Variants in RNF220 observed in about 807,000 individuals in gnomAD.
RNF220 encodes the protein E3 ubiquitin-protein ligase RNF220.
A neutral mutation model predicts 67.1 loss-of-function variants in RNF220; 7 were observed. The observed-to-expected ratio is 0.10, with a 90% CI of 0.06 to 0.20. RNF220 has a LOEUF of 0.20. Ranked by LOEUF, RNF220 falls within the 10% of genes least tolerant of loss-of-function variation. RNF220 has a pLI of 1.00. For missense variants in RNF220, 565 were observed against 740.3 expected (o/e 0.76, Z 2.75); for synonymous variants, 270 against 283.2 (o/e 0.95, Z 0.47).
At chr1:44,573,184 G>A (rs1664571364) in intron 2 of RNF220, among the ~76,000 whole-genome samples, 1 of 152,098 alleles carries the variant, frequency 6.6e-6, no homozygotes, top group Non-Finnish European at 1.5e-5. Flanking sequence ...CAGGCGATGT[G>A]CCAGCTGCTT....
At chr1:44,598,713 T>C (rs144963154) in intron 2 of RNF220, among the ~76,000 whole-genome samples, 16 of 152,282 alleles carry the variant, frequency 1.1e-4, no homozygotes, top group African/African-American at 3.1e-4. Flanking sequence ...GATTTTGCTG[T>C]CTGGTTATGT....
At chr1:44,531,580 G>T (rs931864513) in intron 2 of RNF220, among the ~76,000 whole-genome samples, 1 of 152,198 alleles carries the variant, frequency 6.6e-6, no homozygotes, top group Non-Finnish European at 1.5e-5. Context: ...TGCCTGGCAG[G>T]TAGTGGGTGT....
chr1:44,440,568 A>C (rs1651444984), intron 2 of RNF220, among the ~76,000 whole-genome samples: 1 of 152,250 alleles, frequency 6.6e-6, no homozygotes. Context: ...GCTGAGACTC[A>C]GAGAATTTAA....
chr1:44,424,813 C>T (rs184429694), intron 2 of RNF220, among the ~76,000 whole-genome samples: 4 of 152,320 alleles, frequency 2.6e-5, no homozygotes, highest in South Asian at 2.1e-4. Context: ...GGTGGCCCAG[C>T]GGAGGGTCTG....
At chr1:44,584,978 C>T (rs1157441446) in intron 2 of RNF220, among the ~76,000 whole-genome samples, 1 of 152,208 alleles carries the variant, frequency 6.6e-6, no homozygotes, top group Non-Finnish European at 1.5e-5. Flanking sequence ...GGATTACAGG[C>T]GTGAGCCACC....
intron 2 of RNF220, among the ~76,000 whole-genome samples, chr1:44,462,076 C>T (rs1027779900): frequency 2.0e-5 from 3 of 151,526 alleles, no homozygotes; most frequent in African/African-American, 7.3e-5. Flanking sequence ...TACAGGGGCA[C>T]ACCACTATGC....
intron 2 of RNF220, among the ~76,000 whole-genome samples, chr1:44,445,281 A>AT (rs1388519460): frequency 6.6e-6 from 1 of 152,104 alleles, no homozygotes; most frequent in African/African-American, 2.4e-5. Context: ...ATCTCCTATA[A>AT]ATATATATTC....
intron 2 of RNF220, among the ~76,000 whole-genome samples, chr1:44,546,732 G>A (rs1359001768): frequency 1.3e-5 from 2 of 152,084 alleles, no homozygotes; most frequent in African/African-American, 4.8e-5. Context: ...CCCCTCGCTG[G>A]CACCCCAAAG....
At chr1:44,527,145 C>T (rs1184017197) in intron 2 of RNF220, among the ~76,000 whole-genome samples, 1 of 152,094 alleles carries the variant, frequency 6.6e-6, no homozygotes, top group African/African-American at 2.4e-5. Flanking sequence ...CTCTCCTGAG[C>T]TTCATGCCCA....
chr1:44,489,865 G>A (rs1216061076), intron 2 of RNF220, among the ~76,000 whole-genome samples: 2 of 152,162 alleles, frequency 1.3e-5, no homozygotes, highest in African/African-American at 2.4e-5. Context: ...CTTTTGTCTC[G>A]CAGCTCTAAG....
intron 2 of RNF220, among the ~76,000 whole-genome samples, chr1:44,572,627 G>T (rs759448733): frequency 6.6e-6 from 1 of 151,646 alleles, no homozygotes; most frequent in African/African-American, 2.4e-5. Context: ...CTTCTGATCT[G>T]CTGGCCTCTG....
chr1:44,605,771 G>A (rs1406671032), intron 2 of RNF220, among the ~76,000 whole-genome samples: 1 of 152,194 alleles, frequency 6.6e-6, no homozygotes. Context: ...GAGTTAGCCA[G>A]GTTGTGCAAC....
intron 2 of RNF220, among the ~76,000 whole-genome samples, chr1:44,577,364 G>T (rs1218939159): frequency 6.8e-6 from 1 of 147,404 alleles, no homozygotes; most frequent in East Asian, 1.9e-4. Context: ...TCTCCTCCCA[G>T]CTTCTCCCTT....
rs369270575 is a variant in RNF220, at chr1:44,626,250, G to A, written c.805-47G>A. 1.3e-5 allele frequency: 18 copies of A among 1,432,964 alleles called. No individual in the cohort carries two copies. The Admixed American group carries it at 2.2e-4, about 18-fold the overall frequency. The allele number at this position is 1,432,964 out of a possible 1,614,324, so 88.8% of individuals were successfully genotyped here. Reference sequence around the variant, plus strand: ...GGACTGGGAACTCTAGGGACTGACTGTAGGTCTCATTTGGCCTGAGGCCAC... The same window carrying A: ...GGACTGGGAACTCTAGGGACTGACTATAGGTCTCATTTGGCCTGAGGCCAC... On this transcript the variant is annotated intron_variant, in intron 4 of 14. Transcript: ENST00000361799.
chr1:44,629,869 C>T (rs552939661), intron 5 of RNF220, among the ~76,000 whole-genome samples: 1 of 152,234 alleles, frequency 6.6e-6, no homozygotes, highest in African/African-American at 2.4e-5. Flanking sequence ...ATGTAGAGAA[C>T]ATAGAGGTGT....
chr1:44,405,587 G>C, intron 1 of RNF220, 57 bp downstream of exon 1: 1 of 314,824 alleles, frequency 3.2e-6, no homozygotes, highest in Non-Finnish European at 5.8e-6. Context: ...GGGTGGGTGC[G>C]AGGGCGGCCG....
chr1:44,406,331 C>G (rs1279905056), intron 1 of RNF220, among the ~76,000 whole-genome samples: 2 of 152,170 alleles, frequency 1.3e-5, no homozygotes, highest in African/African-American at 2.4e-5. Context: ...GGTAAACTCC[C>G]CACTCCTCTG....
intron 2 of RNF220, among the ~76,000 whole-genome samples, chr1:44,422,506 A>G (rs147579077): frequency 6.6e-6 from 1 of 152,280 alleles, no homozygotes; most frequent in East Asian, 1.9e-4. Context: ...CTTCATTGCA[A>G]ATGCTGCCTT....
chr1:44,433,327 G>A (rs888551883), intron 2 of RNF220, among the ~76,000 whole-genome samples: 1 of 152,140 alleles, frequency 6.6e-6, no homozygotes, highest in Non-Finnish European at 1.5e-5. Context: ...CCCTGACATT[G>A]GCAAATTCAG....
Sources: gnomAD v4.1 joint callset for allele counts (sites outside exome capture counted in the v4.1 genomes callset) on GRCh38, gnomAD v4.1.1 for gene constraint, MANE v1.5 for transcripts, NCBI Gene and HGNC (gene_info 2026-07-23, HGNC 2026-07-21) for gene names.